The following SFXN2 variants were observed in gnomAD, a reference collection of about 807,000 sequenced individuals.
The protein encoded by SFXN2 is sideroflexin 2.
In SFXN2, 37 loss-of-function variants were observed where a neutral mutation model predicts 41.9. The observed-to-expected ratio is 0.88, with a 90% confidence interval of 0.68 to 1.16. SFXN2 has a LOEUF of 1.16. SFXN2 is among the 50% of genes most tolerant of loss of function. SFXN2 has a pLI of 0.00. For synonymous variants in SFXN2, 150 were observed against 156.7 expected (o/e 0.96, Z 0.32); for missense variants, 386 against 425.2 (o/e 0.91, Z 0.81).
In SFXN2 at chr10:102,727,055, C is replaced by A. The variant is rs776068305; in HGVS notation, c.230C>A (p.Ala77Asp). The change falls in exon 3 of 12, where the codon GCC (alanine) becomes GAC (aspartate). Residue 77 changes from alanine to aspartate, a missense_variant. By Grantham distance (126) the Ala-to-Asp change is moderately radical. Transcript: ENST00000369893. ...LLYAKKLYDS[A>D]FHPDTGEKMN... ...TATGCCAAGAAGCTGTATGACTCGG[C>A]CTTCCACCCCGACACTGGGGAGAAG... 44 of 1,610,020 alleles carry A rather than the reference C, an allele frequency of 2.7e-5. No individual in the cohort carries two copies. The highest frequency in any genetic ancestry group is 3.4e-5 in the Non-Finnish European group (40 of 1,176,762).
At chr10:102,719,341 C>A (rs1321114636) in intron 1 of SFXN2, among the ~76,000 whole-genome samples, 1 of 151,818 alleles carries the variant, frequency 6.6e-6, no homozygotes, top group Non-Finnish European at 1.5e-5. Flanking sequence ...TGTGCCTCAG[C>A]CTCCTGAATA....
intron 1 of SFXN2, among the ~76,000 whole-genome samples, chr10:102,720,403 A>T (rs1176523200): frequency 1.3e-5 from 2 of 151,042 alleles, no homozygotes. Flanking sequence ...TGAGCTCAGG[A>T]GTTGAGACCA....
intron 1 of SFXN2, among the ~76,000 whole-genome samples, chr10:102,725,874 A>G (rs2064584612): frequency 6.6e-6 from 1 of 151,380 alleles, no homozygotes; most frequent in South Asian, 2.1e-4. Flanking sequence ...ACCCTGTCTC[A>G]AAAAAAAAGT....
At chr10:102,731,853 T>A in intron 7 of SFXN2, 70 bp downstream of exon 7, 1 of 1,394,426 alleles carries the variant, frequency 7.2e-7, no homozygotes, top group Non-Finnish European at 1.0e-6. Flanking sequence ...TCCTTAGTGG[T>A]CAGAGTAGGC....
chr10:102,728,696 T>C, intron 4 of SFXN2, 167 bp downstream of exon 4: 1 of 604,484 alleles, frequency 1.7e-6, no homozygotes, highest in Non-Finnish European at 3.0e-6. Flanking sequence ...GGGGTGGATC[T>C]TCTTCCTAGA....
At chr10:102,720,498 C>T (rs2064493961) in intron 1 of SFXN2, among the ~76,000 whole-genome samples, 1 of 151,576 alleles carries the variant, frequency 6.6e-6, no homozygotes, top group South Asian at 2.1e-4. Flanking sequence ...GTCCCAGCTA[C>T]TTGAGAGGCT....
At chr10:102,735,531 G>T (rs769652011) in intron 10 of SFXN2, among the ~76,000 whole-genome samples, 1 of 151,672 alleles carries the variant, frequency 6.6e-6, no homozygotes, top group Non-Finnish European at 1.5e-5. Context: ...CTCCCTCCTC[G>T]TCGCTCCTTT....
At chr10:102,723,209 T>C (rs1314626950) in intron 1 of SFXN2, among the ~76,000 whole-genome samples, 1 of 149,850 alleles carries the variant, frequency 6.7e-6, no homozygotes, top group Admixed American at 6.6e-5. Context: ...GCCTCCAAAG[T>C]GCTGAGATTA....
intron 5 of SFXN2, 55 bp from the exon 6 acceptor site, chr10:102,729,668 C>A (rs908451622): frequency 2.0e-5 from 31 of 1,550,640 alleles, no homozygotes; most frequent in Middle Eastern, 1.7e-4. Flanking sequence ...CAGCCCCCTC[C>A]CCTCCCATCT....
At chr10:102,736,809 C>T (rs2064786878) in intron 11 of SFXN2, among the ~76,000 whole-genome samples, 1 of 151,712 alleles carries the variant, frequency 6.6e-6, no homozygotes, top group Admixed American at 6.6e-5. Flanking sequence ...CCTCAGCCTC[C>T]CAAAGTATTG....
At chr10:102,718,236 T>C (rs2064446376) in intron 1 of SFXN2, among the ~76,000 whole-genome samples, 1 of 152,270 alleles carries the variant, frequency 6.6e-6, no homozygotes, top group African/African-American at 2.4e-5. Flanking sequence ...AGCAGAGGAC[T>C]TTGCAATGTT....
intron 6 of SFXN2, among the ~76,000 whole-genome samples, chr10:102,730,031 C>T (rs2064678125): frequency 6.6e-6 from 1 of 152,116 alleles, no homozygotes; most frequent in Non-Finnish European, 1.5e-5. Flanking sequence ...GGAGTCCTCT[C>T]CTGGGTGATG....
At chr10:102,720,610 C>CA (rs71474576) in intron 1 of SFXN2, among the ~76,000 whole-genome samples, 2,422 of 127,746 alleles carry the variant, frequency 0.019, 37 homozygotes, top group African/African-American at 0.047. Context: ...GACCCTGTCT[C>CA]AAAAAAAAAA....
intron 1 of SFXN2, among the ~76,000 whole-genome samples, chr10:102,723,054 C>T (rs2064533476): frequency 6.6e-6 from 1 of 151,024 alleles, no homozygotes; most frequent in Admixed American, 6.6e-5. Context: ...ACATCAGCCT[C>T]CCCAGTAGCT....
chr10:102,731,965 C>T (rs1282326697), intron 7 of SFXN2, among the ~76,000 whole-genome samples, 182 bp downstream of exon 7: 1 of 152,152 alleles, frequency 6.6e-6, no homozygotes, highest in Non-Finnish European at 1.5e-5. Context: ...CTCTTTTCTC[C>T]ATCATTTCTG....
At chr10:102,723,970 C>A (rs1435472504) in intron 1 of SFXN2, among the ~76,000 whole-genome samples, 1 of 152,206 alleles carries the variant, frequency 6.6e-6, no homozygotes, top group Admixed American at 6.5e-5. Flanking sequence ...CTGATCCTCT[C>A]CCTCCTCCCA....
At chr10:102,719,210 A>C (rs956075703) in intron 1 of SFXN2, among the ~76,000 whole-genome samples, 2 of 148,966 alleles carry the variant, frequency 1.3e-5, no homozygotes, top group Non-Finnish European at 3.0e-5. Flanking sequence ...GGCATGAGCC[A>C]CCGTGCCCGG....
At chr10:102,736,414 G>A (rs1254529147) in intron 11 of SFXN2, among the ~76,000 whole-genome samples, 2 of 139,928 alleles carry the variant, frequency 1.4e-5, no homozygotes, top group Non-Finnish European at 3.0e-5. Context: ...CTGCCACCAT[G>A]CCCAGCTCAT....
intron 6 of SFXN2, 37 bp downstream of exon 6, chr10:102,729,845 A>G: frequency 6.2e-7 from 1 of 1,608,838 alleles, no homozygotes; most frequent in Non-Finnish European, 8.5e-7. Context: ...ACAAACCACA[A>G]GATTAGCAGA....
Sources: allele counts gnomAD v4.1 joint callset (sites outside exome capture counted in the v4.1 genomes callset), GRCh38; gene constraint gnomAD v4.1.1; transcripts MANE v1.5; gene names NCBI Gene and HGNC (gene_info 2026-07-23, HGNC 2026-07-21).